The following ENPP3 variants were observed in gnomAD, a reference collection of about 807,000 sequenced individuals.
ENPP3 encodes the protein ectonucleotide pyrophosphatase/phosphodiesterase 3, also known as ectonucleotide pyrophosphatase/phosphodiesterase family member 3.
In ENPP3, 104 loss-of-function variants were observed where a neutral mutation model predicts 117.8. The ratio of observed to expected loss-of-function variants is 0.88; its 90% CI spans 0.75 to 1.04. The LOEUF (loss-of-function observed/expected upper bound fraction) is 1.04, where lower values mean the gene tolerates loss of function less well. Ranked by LOEUF, ENPP3 falls within the 50% of genes least tolerant of loss-of-function variation. ENPP3 has a pLI of 0.00. For missense variants in ENPP3, 1,026 were observed against 1,051.9 expected, an observed-to-expected ratio of 0.98 and a Z score of 0.34; for synonymous variants, 380 against 349.9, an observed-to-expected ratio of 1.09 and a Z score of -0.96.
chr6:131,709,784 C>T (rs1221854148), intron 15 of ENPP3: 1 of 1,613,658 alleles, frequency 6.2e-7, no homozygotes, highest in Non-Finnish European at 8.5e-7. Context: ...TTCTCTTCTT[C>T]CTCTATTCGG....
rs1048743840 is a variant in ENPP3 at position 131,716,960 on chromosome 6, G to A, written c.1413-1712G>A. On this transcript the variant is annotated intron_variant, in intron 15 of 24. Coordinates refer to ENST00000357639, the MANE Select transcript of ENPP3 (RefSeq NM_005021.5). ...CACTCCAGCCTGGGCGACAGAGCGA[G>A]ACTCAGTCTCAAAAATAAATAAATA... Among the ~76,000 whole-genome samples the A allele has an allele frequency of 4.0e-5, 6 of 151,892 alleles. No individual in the cohort carries two copies. In the South Asian group the frequency reaches 8.3e-4, roughly 21 times the overall value.
At chr6:131,724,008 C>T (rs767467669) in intron 18 of ENPP3, 32 bp from the exon 19 acceptor site, 6 of 1,550,310 alleles carry the variant, frequency 3.9e-6, no homozygotes, top group South Asian at 1.1e-5. Flanking sequence ...TGACTTATTT[C>T]CTCCCCTTTC....
In ENPP3 at chr6:131,652,687, C is replaced by T. The variant is rs17184830; in HGVS notation, c.403+20C>T. 15,326 of 1,613,730 alleles carry T rather than the reference C, an allele frequency of 9.5e-3. 148 individuals are homozygous for T. Among genetic ancestry groups the T allele is most frequent in the South Asian group, 0.033 (2,979 of 91,028 alleles). On this transcript the variant is annotated intron_variant, in intron 4 of 24. Coordinates refer to ENST00000357639, the MANE Select transcript of ENPP3 (RefSeq NM_005021.5). ...GCCAAGGTGAGCAGGAGGATGTTGA[C>T]TCATTTGCCCCTGCGAGTTTAGAGG...
intron 21 of ENPP3, among the ~76,000 whole-genome samples, chr6:131,735,263 A>G (rs546689961): frequency 1.1e-4 from 16 of 152,184 alleles, no homozygotes; most frequent in Non-Finnish European, 2.2e-4. Context: ...TAGAAGTTCT[A>G]TTACTAGCAC....
rs780456805 is a variant in ENPP3 at position 131,683,103 on chromosome 6, A to G, written c.1061A>G (p.Glu354Gly). The part of the protein sequence containing the change: ...VVDHAFGMLM[E>G]GLKQRNLHNC... The stretch of plus-strand genomic sequence containing the variant: ...GATCATGCTTTTGGGATGTTGATGG[A>G]AGGCCTGAAGCAGCGGAATTTGCAC... The change falls in exon 12 of 25, where the codon GAA (glutamate) becomes GGA (glycine). Residue 354 changes from glutamate (E) to glycine (G), a missense_variant. Coordinates refer to ENST00000357639, the MANE Select transcript of ENPP3 (RefSeq NM_005021.5). 1 of 1,612,904 alleles carries G rather than the reference A, an allele frequency of 6.2e-7. No individual in the cohort carries two copies. Among genetic ancestry groups the G allele is most frequent in the Non-Finnish European group, 8.5e-7 (1 of 1,178,952 alleles).
rs1779425073 is a variant in ENPP3, at chr6:131,697,105, G to A, written c.1412+3481G>A. On this transcript the variant is annotated intron_variant, in intron 15 of 24. Coordinates refer to ENST00000357639, the MANE Select transcript of ENPP3 (RefSeq NM_005021.5). ...AAGCCAGCAGTAGCTCTAGGGCAAG[G>A]AAGGGTAAAGAGAAGGAGGCAGGTT... is the stretch of plus-strand genomic sequence containing the variant. 3.3e-5 allele frequency among the ~76,000 whole-genome samples: 5 copies of A among 152,252 alleles called. No individual in the cohort carries two copies. In the South Asian group the frequency reaches 8.3e-4, roughly 25 times the overall value.
chr6:131,656,621 G>C (rs13219079), intron 5 of ENPP3, among the ~76,000 whole-genome samples: 1 of 152,092 alleles, frequency 6.6e-6, no homozygotes, highest in African/African-American at 2.4e-5. Context: ...CAAAAAATTA[G>C]CCGGGTGTGG....
chr6:131,737,430 GAAGT>G lies in ENPP3; in HGVS notation c.2167+4_2167+7del, dbSNP rs568753758. On this transcript the variant is annotated splice_donor_variant and coding_sequence_variant, in exon 22 of 25. Coordinates refer to ENST00000357639, the MANE Select transcript of ENPP3 (RefSeq NM_005021.5). LOFTEE classifies it high-confidence loss of function. ...TTGGTACCTATGTATGAAGAATTCAGAAGTAAGTATGAATTTAGAGTATTAATTT... is the reference window on the plus strand; with the variant it reads ...TTGGTACCTATGTATGAAGAATTCAGAAGTATGAATTTAGAGTATTAATTT... 9.5e-5 allele frequency: 144 copies of G among 1,514,966 alleles called. No homozygotes were observed. The highest frequency in any genetic ancestry group is 1.2e-4 in the Non-Finnish European group (129 of 1,092,560). The allele number at this position is 1,514,966 out of a possible 1,614,324, so 93.8% of individuals were successfully genotyped here.
rs760865280 is a variant in ENPP3, at chr6:131,650,135, C to T, written c.263C>T (p.Thr88Ile). 6.2e-7 allele frequency: 1 copy of T among 1,613,974 alleles called. No individual in the cohort carries two copies. Among genetic ancestry groups the T allele is most frequent in the South Asian group, 1.1e-5 (1 of 91,072 alleles). ...GATTGCTGCTGGGATTTTGAAGACA[C>T]CTGTGTGGAATCAAGTATGAGTTCT... is the stretch of plus-strand genomic sequence containing the variant. The part of the protein sequence containing the change: ...RGDCCWDFED[T>I]CVESTRIWMC... Residue 88 changes from threonine (T) to isoleucine (I), a missense_variant, in exon 3 of 25, where the codon ACC (threonine) becomes ATC (isoleucine). Transcript: ENST00000357639.
intron 1 of ENPP3, among the ~76,000 whole-genome samples, chr6:131,641,130 G>T (rs1338131723): frequency 6.6e-6 from 1 of 152,026 alleles, no homozygotes; most frequent in African/African-American, 2.4e-5. Context: ...AAATGGCCCA[G>T]AAAAATGGTT....
intron 5 of ENPP3, among the ~76,000 whole-genome samples, chr6:131,654,149 C>T (rs1046791376): frequency 2.2e-5 from 3 of 136,682 alleles, no homozygotes; most frequent in South Asian, 2.3e-4. Flanking sequence ...ATTATTATTA[C>T]GAGATAGGGT....
rs144371204 is a variant in ENPP3 at position 131,727,967 on chromosome 6, C to G, written c.1953+1767C>G. Among the ~76,000 whole-genome samples the G allele has an allele frequency of 8.6e-4, 131 of 152,250 alleles. 1 individual carries two copies. The highest frequency in any genetic ancestry group is 3.1e-3 in the African/African-American group (128 of 41,548). Reference sequence around the variant, plus strand: ...TTTGGAGAAAGATAAGCATATTTTCCTACTACTAATTAAAACTTTGTATAT... The same window carrying G: ...TTTGGAGAAAGATAAGCATATTTTCGTACTACTAATTAAAACTTTGTATAT... On this transcript the variant is annotated intron_variant, in intron 20 of 24. Coordinates refer to ENST00000357639, the MANE Select transcript of ENPP3 (RefSeq NM_005021.5).
chr6:131,658,451 T>C (rs368384785), intron 6 of ENPP3, 31 bp downstream of exon 6: 1 of 1,117,378 alleles, frequency 8.9e-7, no homozygotes, highest in Non-Finnish European at 1.4e-6. Flanking sequence ...GGCATGCAAA[T>C]GATAAAGACA....
rs1363535863 is a variant in ENPP3, at chr6:131,738,164, G to A, written c.2300+1G>A. On this transcript the variant is annotated splice_donor_variant, in intron 23 of 24. Coordinates refer to ENST00000357639, the MANE Select transcript of ENPP3 (RefSeq NM_005021.5). LOFTEE classifies it high-confidence loss of function. The stretch of plus-strand genomic sequence containing the variant: ...TTGATGCTCCAGATGAAATTACCAA[G>A]TAAGTGATTTGACTTTTTGATTTAT... 5 of 1,609,788 alleles carry A rather than the reference G, an allele frequency of 3.1e-6. No homozygotes were observed. Among genetic ancestry groups the A allele is most frequent in the African/African-American group, 1.3e-5 (1 of 74,904 alleles).
chr6:131,674,172 C>A lies in ENPP3; in HGVS notation c.653C>A (p.Pro218Gln). The A allele has an allele frequency of 6.5e-7, 1 of 1,545,390 alleles. No individual in the cohort carries two copies. Among genetic ancestry groups the A allele is most frequent in the South Asian group, 1.1e-5 (1 of 88,936 alleles). Residue 218 changes from proline (P) to glutamine (Q), a missense_variant, in exon 8 of 25, where the codon CCA becomes CAA. Coordinates refer to ENST00000357639, the MANE Select transcript of ENPP3 (RefSeq NM_005021.5). ...NHYTIVTGLY[P>Q]ESHGIIDNNM... ...AAATTATCATTTTAGGGCTTGTATC[C>A]AGAGTCACATGGCATCATTGACAAT...
At chr6:131,674,356 C>T (rs776297910) in intron 8 of ENPP3, 75 bp downstream of exon 8, 2 of 1,421,152 alleles carry the variant, frequency 1.4e-6, no homozygotes, top group Non-Finnish European at 2.0e-6. Flanking sequence ...TCTTCTCACT[C>T]AGTGGAGCAA....
chr6:131,670,512 A>G (rs1331357262), intron 6 of ENPP3, among the ~76,000 whole-genome samples: 1 of 152,052 alleles, frequency 6.6e-6, no homozygotes, highest in African/African-American at 2.4e-5. Context: ...TTTATTTGAA[A>G]CAGGGTTTCA....
In ENPP3 at chr6:131,746,764, GTGT is replaced by G. The variant is rs1780643564; in HGVS notation, c.2458-18_2458-16del. On this transcript the variant is annotated intron_variant, in intron 24 of 24. Coordinates refer to ENST00000357639, the MANE Select transcript of ENPP3 (RefSeq NM_005021.5). ...AAAATACTGCCTTGTGAAAAAAAAA[GTGT>G]TGTGCTTTTCTTTTTCAGGAAGGTA... The G allele has an allele frequency of 5.7e-6, 9 of 1,581,974 alleles. No individual in the cohort carries two copies. The highest frequency in any genetic ancestry group is 7.7e-6 in the Non-Finnish European group (9 of 1,169,208).
intron 24 of ENPP3, among the ~76,000 whole-genome samples, chr6:131,744,535 C>G (rs1211544624): frequency 1.3e-5 from 2 of 152,090 alleles, no homozygotes; most frequent in African/African-American, 4.8e-5. Context: ...AACAAGTAAA[C>G]AGTAGAGTTA....
Sources: gnomAD v4.1 joint callset for allele counts (sites outside exome capture counted in the v4.1 genomes callset) on GRCh38, gnomAD v4.1.1 for gene constraint, MANE v1.5 for transcripts, NCBI Gene and HGNC (gene_info 2026-07-23, HGNC 2026-07-21) for gene names.